The following MYH8 variants were observed in gnomAD, a reference collection of about 807,000 sequenced individuals.
The protein encoded by MYH8 is myosin-8.
Under a neutral mutation model 233.2 loss-of-function variants are expected in MYH8, and 168 were observed. The ratio of observed to expected loss-of-function variants is 0.72; its 90% CI spans 0.64 to 0.82. The LOEUF (loss-of-function observed/expected upper bound fraction) is 0.82. MYH8 is among the 40% of genes least tolerant of loss of function. The probability of loss-of-function intolerance (pLI) is 0.00; values close to 1 mark genes in which losing one functional copy is unlikely to be tolerated. For synonymous variants in MYH8, 785 were observed against 850.6 expected (o/e 0.92, Z 1.34); for missense variants, 1,995 against 2,327.8 (o/e 0.86, Z 2.94).
chr17:10,393,037 T>C (rs1010708924), intron 36 of MYH8, 36 bp from the exon 37 acceptor site: 1 of 1,614,088 alleles, frequency 6.2e-7, no homozygotes, highest in African/African-American at 1.3e-5. Context: ...TAATGAAACT[T>C]GATGATAGCA....
chr17:10,410,144 G>T (rs1047392047), intron 15 of MYH8, among the ~76,000 whole-genome samples: 2 of 151,986 alleles, frequency 1.3e-5, no homozygotes, highest in African/African-American at 2.4e-5. Context: ...TCTGTACAAA[G>T]AATACAAAAA....
In MYH8 at chr17:10,401,511, C is replaced by T. The variant is rs1285386231; in HGVS notation, c.2931+32G>A. 2.5e-6 allele frequency: 4 copies of T among 1,614,132 alleles called. No homozygotes were observed. The South Asian group carries it at 4.4e-5, about 18-fold the overall frequency. Reference sequence around the variant, plus strand: ...AAAGCAATTTAGTTGGTGGCAGAACCTCTATACAGTATTGTAAAATATGAC... The same window carrying T: ...AAAGCAATTTAGTTGGTGGCAGAACTTCTATACAGTATTGTAAAATATGAC... On this transcript the variant is annotated intron_variant, in intron 23 of 39. Coordinates refer to ENST00000403437, the MANE Select transcript of MYH8 (RefSeq NM_002472.3).
chr17:10,397,092 C>CT (rs2072086807), intron 30 of MYH8, 106 bp from the exon 31 acceptor site: 3 of 1,357,718 alleles, frequency 2.2e-6, no homozygotes, highest in South Asian at 1.3e-5. Context: ...TCTTTTGTTT[C>CT]TTTTTTTGAG....
At chr17:10,410,110 C>T (rs1047999906) in intron 15 of MYH8, among the ~76,000 whole-genome samples, 1 of 152,146 alleles carries the variant, frequency 6.6e-6, no homozygotes, top group Non-Finnish European at 1.5e-5. Flanking sequence ...TCAAGACCAG[C>T]TTGGGGACCA....
chr17:10,406,975 T>A lies in MYH8; in HGVS notation c.1970A>T (p.Asn657Ile). The change falls in exon 18 of 40, where the codon AAT becomes ATT. Residue 657 changes from asparagine (N) to isoleucine (I), a missense_variant. By Grantham distance (149) the Asn-to-Ile change is moderately radical (BLOSUM62 -3). Coordinates refer to ENST00000403437, the MANE Select transcript of MYH8 (RefSeq NM_002472.3). ...FQTVSALFRE[N>I]LNKLMTNLRS... is the part of the protein sequence containing the mutation. ...CAGATTCGTCATCAATTTATTTAAATTTTCCTAGAAAACCAGACAGAAAGG... is the reference window on the plus strand; with the variant it reads ...CAGATTCGTCATCAATTTATTTAAAATTTCCTAGAAAACCAGACAGAAAGG... 1 of 1,613,540 alleles carries A rather than the reference T, an allele frequency of 6.2e-7. No individual in the cohort carries two copies. The highest frequency in any genetic ancestry group is 8.5e-7 in the Non-Finnish European group (1 of 1,179,440).
intron 30 of MYH8, among the ~76,000 whole-genome samples, chr17:10,397,473 CTGTA>C (rs1177931170): frequency 6.6e-6 from 1 of 152,170 alleles, no homozygotes; most frequent in African/African-American, 2.4e-5. Flanking sequence ...GATTGGTAAA[CTGTA>C]TGGAAAGATC....
chr17:10,403,286 C>T (rs1055689212), intron 22 of MYH8, among the ~76,000 whole-genome samples: 2 of 152,056 alleles, frequency 1.3e-5, no homozygotes, highest in African/African-American at 4.8e-5. Context: ...AACTGTATAG[C>T]TCAATAAAGT....
Position 10,419,900 on chromosome 17 carries a change from A to G in MYH8, c.210+118T>C, listed in dbSNP as rs1181142225. On this transcript the variant is annotated intron_variant, in intron 3 of 39. Transcript: ENST00000403437. The surrounding 1 kb of genome is among the most constrained non-coding windows in gnomAD (Gnocchi z 4.0). ...TTTTGCCTTCCACATCTAATGTCTC[A>G]ACACTGACTAGAAGGGTGTTTGCAT... 1.8e-6 allele frequency: 2 copies of G among 1,137,668 alleles called. No homozygotes were observed. 70.5% of individuals were successfully genotyped at this position (1,137,668 alleles called of 1,614,324 possible).
Position 10,414,008 on chromosome 17 carries a change from T to C in MYH8, c.1041A>G (p.Glu347=). 2 of 1,614,108 alleles carry C rather than the reference T, an allele frequency of 1.2e-6. No homozygotes were observed. Among genetic ancestry groups the C allele is most frequent in the Non-Finnish European group, 1.7e-6 (2 of 1,180,024 alleles). ...SAIDILGFTP[E]EKVSIYKLTG... ...TGAGTTTATAGATGGACACTTTCTC[T>C]TCAGGAGTGAAGCCCAGGATGTCAA... The change falls in exon 12 of 40, where the codon GAA becomes GAG. Residue 347 remains glutamate, a synonymous_variant. Transcript: ENST00000403437.
Position 10,415,706 on chromosome 17 carries a change from G to A in MYH8, c.514C>T (p.Arg172Ter), listed in dbSNP as rs143063345. The change falls in exon 6 of 40, where the codon CGA (arginine) becomes TGA (stop). Residue 172 changes from arginine (R) to a stop codon, truncating the protein, a stop_gained and splice_region_variant. Transcript: ENST00000403437. LOFTEE classifies it high-confidence loss of function. This position sits in a 1 kb window ranked among gnomAD's most constrained non-coding sequence, Gnocchi z 4.1. ...GTGATCAGGATGGACTGATTCTCTC[G>A]ATCTGTGAAAGAATTCAAAATCATC... ...DNAYQFMLTD[R>*]ENQSILITGE... The A allele has an allele frequency of 1.1e-5, 17 of 1,613,278 alleles. No homozygotes were observed. Among genetic ancestry groups the A allele is most frequent in the African/African-American group, 5.3e-5 (4 of 74,882 alleles).
chr17:10,394,115 G>T, intron 35 of MYH8, 134 bp downstream of exon 35: 1 of 1,167,866 alleles, frequency 8.6e-7, no homozygotes, highest in Non-Finnish European at 1.2e-6. Flanking sequence ...TAAGATAATA[G>T]CAATGAGTAT....
Position 10,398,877 on chromosome 17 carries a change from G to A in MYH8, c.3872C>T (p.Ser1291Phe). The A allele has an allele frequency of 6.2e-7, 1 of 1,612,050 alleles. No homozygotes were observed. Among genetic ancestry groups the A allele is most frequent in the Non-Finnish European group, 8.5e-7 (1 of 1,179,746 alleles). Residue 1291 changes from serine to phenylalanine, a missense_variant, in exon 29 of 40, where the codon TCT (serine) becomes TTT (phenylalanine). By Grantham distance (155) the Ser-to-Phe change is radical. Transcript: ENST00000403437. ...AGCATCTTTCTCATCTAATTGTCGA[G>A]AATATTCACCTAGGAATAATAGACA... Reference protein sequence around the residue: ...ARLQTEAGEYSRQLDEKDALV... With the variant: ...ARLQTEAGEYFRQLDEKDALV...
chr17:10,407,461 C>T lies in MYH8; in HGVS notation c.1966-482G>A, dbSNP rs2072204776. Reference sequence around the variant, plus strand: ...AGTGGTAACCTAAGTTAGCAATTGTCCTAACTTTTGCCTTTCCTTCCTTGA... The same window carrying T: ...AGTGGTAACCTAAGTTAGCAATTGTTCTAACTTTTGCCTTTCCTTCCTTGA... On this transcript the variant is annotated intron_variant, in intron 17 of 39. Transcript: ENST00000403437. Among the ~76,000 whole-genome samples the T allele has an allele frequency of 2.0e-5, 3 of 152,176 alleles. No individual in the cohort carries two copies. In the South Asian group the frequency reaches 6.2e-4, roughly 32 times the overall value.
chr17:10,391,397 CG>C (rs1178482223), intron 39 of MYH8, among the ~76,000 whole-genome samples: 3 of 152,094 alleles, frequency 2.0e-5, no homozygotes, highest in Admixed American at 2.0e-4. Flanking sequence ...AAAAATATCT[CG>C]GCTGGGCGTG....
intron 17 of MYH8, among the ~76,000 whole-genome samples, chr17:10,408,413 C>T (rs760918139): frequency 6.6e-6 from 1 of 152,114 alleles, no homozygotes; most frequent in Admixed American, 6.6e-5. Flanking sequence ...GAGTAGTTTT[C>T]TTGTTTAGAT....
chr17:10,400,501 C>CT lies in MYH8; in HGVS notation c.3623dup (p.Gln1209AlafsTer3), dbSNP rs1427776271. 7 of 1,614,220 alleles carry CT rather than the reference C, an allele frequency of 4.3e-6. No individual in the cohort carries two copies. The highest frequency in any genetic ancestry group is 5.9e-6 in the Non-Finnish European group (7 of 1,180,040). Reference sequence around the variant, plus strand: ...TGACCCGCTGCAAGTTGTCAATCTGCTCCCCAAGCTCAGCCATACTGTCTG... The same window carrying CT: ...TGACCCGCTGCAAGTTGTCAATCTGCTTCCCCAAGCTCAGCCATACTGTCTG... On this transcript the variant is annotated frameshift_variant, in exon 27 of 40. Transcript: ENST00000403437. LOFTEE classifies it high-confidence loss of function. The surrounding 1 kb of genome is among the most constrained non-coding windows in gnomAD (Gnocchi z 4.0).
rs9910366 is a variant in MYH8, at chr17:10,419,932, C to G, written c.210+86G>C. The G allele has an allele frequency of 1.4e-6, 2 of 1,434,492 alleles. No homozygotes were observed. Among genetic ancestry groups the G allele is most frequent in the Non-Finnish European group, 2.0e-6 (2 of 1,019,502 alleles). 88.9% of individuals were successfully genotyped at this position (1,434,492 alleles called of 1,614,324 possible). A position where few individuals can be genotyped will look rare whatever the true frequency, so the allele number is the denominator to read the frequency against. On this transcript the variant is annotated intron_variant, in intron 3 of 39. Transcript: ENST00000403437. This position sits in a 1 kb window ranked among gnomAD's most constrained non-coding sequence, Gnocchi z 4.0. The stretch of plus-strand genomic sequence containing the variant: ...ACTAGAAGGGTGTTTGCATTGGCAA[C>G]AGGCTTGGAGATTCCCAGTAAGTTA...
chr17:10,402,047 G>A (rs1459287584), intron 22 of MYH8, among the ~76,000 whole-genome samples: 1 of 152,092 alleles, frequency 6.6e-6, no homozygotes, highest in Non-Finnish European at 1.5e-5. Context: ...GTAGAAGAGT[G>A]GAAAGACCTC....
Position 10,390,621 on chromosome 17 carries a change from A to C in MYH8, c.5665-18T>G. 1 of 1,613,128 alleles carries C rather than the reference A, an allele frequency of 6.2e-7. No homozygotes were observed. The highest frequency in any genetic ancestry group is 1.7e-5 in the Admixed American group (1 of 60,028). On this transcript the variant is annotated intron_variant, in intron 39 of 39. Coordinates refer to ENST00000403437, the MANE Select transcript of MYH8 (RefSeq NM_002472.3). ...TGTTCCTCCTAAGAATAGAGATAAA[A>C]TTGTGAGAATTAGACTGTGTGGTTC... is the stretch of plus-strand genomic sequence containing the variant.
Sources: allele counts gnomAD v4.1 joint callset (sites outside exome capture counted in the v4.1 genomes callset), GRCh38; gene constraint gnomAD v4.1.1; non-coding constraint Gnocchi (gnomAD v3.1); transcripts MANE v1.5; gene names NCBI Gene and HGNC (gene_info 2026-07-23, HGNC 2026-07-21).